Variants in ERMP1 observed in about 807,000 individuals in gnomAD.
The protein encoded by ERMP1 is endoplasmic reticulum metallopeptidase 1, also known as Felix-ina.
A neutral mutation model predicts 92.0 loss-of-function variants in ERMP1; 86 were observed. The observed-to-expected ratio is 0.93, with a 90% CI of 0.79 to 1.12. The LOEUF (loss-of-function observed/expected upper bound fraction) is 1.12, where lower values mean the gene tolerates loss of function less well. Ranked by LOEUF, ERMP1 falls within the 50% of genes most tolerant of loss-of-function variation. The pLI is 0.00. For missense variants in ERMP1, 1,342 were observed against 1,116.3 expected, an observed-to-expected ratio of 1.20 and a Z score of -2.88; for synonymous variants, 530 against 412.8, an observed-to-expected ratio of 1.28 and a Z score of -3.44.
Position 5,811,271 on chromosome 9 carries a change from A to G in ERMP1, c.1167T>C (p.Ala389=), listed in dbSNP as rs545026010. ...TTCCATGTCGATACTTAGAAGCAGCAGCCAGCATATCAGATGTAGCTAGAT... is the reference window on the plus strand; with the variant it reads ...TTCCATGTCGATACTTAGAAGCAGCGGCCAGCATATCAGATGTAGCTAGAT... ...LKHLATSDML[A]AASKYRHGNM... The change falls in exon 7 of 15, where the codon GCT becomes GCC. Residue 389 remains alanine (A), a synonymous_variant. Transcript: ENST00000339450. The G allele has an allele frequency of 1.9e-6, 3 of 1,614,090 alleles. No individual in the cohort carries two copies. Among genetic ancestry groups the G allele is most frequent in the South Asian group, 2.2e-5 (2 of 91,074 alleles).
chr9:5,811,375 C>A (rs758216501), intron 6 of ERMP1, 52 bp from the exon 7 acceptor site: 11 of 1,362,846 alleles, frequency 8.1e-6, no homozygotes, highest in Admixed American at 8.1e-5. Context: ...GATAAAAAGG[C>A]TGAATAAACT....
chr9:5,792,100 G>T (rs1828221746), intron 13 of ERMP1, among the ~76,000 whole-genome samples: 1 of 152,086 alleles, frequency 6.6e-6, no homozygotes, highest in South Asian at 2.1e-4. Context: ...AACAGTGTGT[G>T]TTGGGTGCAA....
chr9:5,864,131 G>C (rs1830581105), intron 5 of ERMP1, among the ~76,000 whole-genome samples: 1 of 152,194 alleles, frequency 6.6e-6, no homozygotes, highest in Non-Finnish European at 1.5e-5. Flanking sequence ...ATGTCAATTT[G>C]ACTGTTGGAA....
chr9:5,800,549 G>A (rs377456207), intron 11 of ERMP1, among the ~76,000 whole-genome samples: 25 of 152,172 alleles, frequency 1.6e-4, no homozygotes, highest in African/African-American at 6.0e-4. Flanking sequence ...GGTGGCGAGC[G>A]CCTGTAATAC....
chr9:5,860,564 T>C (rs904493489), intron 5 of ERMP1, among the ~76,000 whole-genome samples: 6 of 151,956 alleles, frequency 3.9e-5, no homozygotes, highest in African/African-American at 1.5e-4. Context: ...GTTCTCTCTC[T>C]AGTGGCCATG....
chr9:5,850,039 C>T (rs536246461), intron 6 of ERMP1, among the ~76,000 whole-genome samples: 9 of 152,240 alleles, frequency 5.9e-5, no homozygotes, highest in African/African-American at 2.2e-4. Flanking sequence ...AGGAAACAAA[C>T]CCAGAGTGTT....
chr9:5,847,646 G>A (rs1377085974), intron 6 of ERMP1, among the ~76,000 whole-genome samples: 6 of 151,876 alleles, frequency 4.0e-5, no homozygotes, highest in African/African-American at 7.3e-5. Context: ...CTGTAATCCC[G>A]GCACTTTGGG....
intron 4 of ERMP1, among the ~76,000 whole-genome samples, chr9:5,814,711 CAG>C (rs1025202244): frequency 9.9e-5 from 15 of 152,044 alleles, no homozygotes; most frequent in Admixed American, 2.0e-4. Context: ...GCCTGGGTGA[CAG>C]AGTGAGACTC....
At chr9:5,793,619 C>T (rs1261600500) in intron 13 of ERMP1, among the ~76,000 whole-genome samples, 1 of 152,006 alleles carries the variant, frequency 6.6e-6, no homozygotes, top group Non-Finnish European at 1.5e-5. Context: ...ACCATGCTAA[C>T]ACTAATCAAA....
intron 6 of ERMP1, among the ~76,000 whole-genome samples, chr9:5,838,905 G>C (rs1166923459): frequency 6.6e-6 from 1 of 152,134 alleles, no homozygotes; most frequent in African/African-American, 2.4e-5. Context: ...TTATCTCTGG[G>C]TGATTTTCCC....
upstream of ERMP1, among the ~76,000 whole-genome samples, chr9:5,834,830 A>C (rs1165331500): frequency 1.3e-5 from 2 of 150,136 alleles, no homozygotes. Flanking sequence ...GAGTTCCTGG[A>C]TCTGGTACCT....
intron 3 of ERMP1, among the ~76,000 whole-genome samples, chr9:5,824,760 G>A (rs957400382): frequency 6.6e-6 from 1 of 152,114 alleles, no homozygotes; most frequent in Non-Finnish European, 1.5e-5. Context: ...GATCCATATG[G>A]CTGGGCATTT....
chr9:5,804,290 A>G (rs186568391), intron 10 of ERMP1, among the ~76,000 whole-genome samples: 1 of 152,244 alleles, frequency 6.6e-6, no homozygotes, highest in Non-Finnish European at 1.5e-5. Context: ...GTGGAGGTGG[A>G]CATCAAACCA....
intron 6 of ERMP1, among the ~76,000 whole-genome samples, chr9:5,842,201 C>T (rs1830173831): frequency 6.6e-6 from 1 of 152,118 alleles, no homozygotes; most frequent in African/African-American, 2.4e-5. Context: ...TACTTGGCCC[C>T]GCCCACATCC....
intron 6 of ERMP1, chr9:5,855,878 C>T: frequency 5.1e-6 from 1 of 194,744 alleles, no homozygotes; most frequent in Non-Finnish European, 1.1e-5. Flanking sequence ...AATGGTGGAG[C>T]AAGCCTGGGC....
intron 5 of ERMP1, among the ~76,000 whole-genome samples, chr9:5,863,248 G>A (rs941503220): frequency 6.6e-6 from 1 of 152,180 alleles, no homozygotes; most frequent in Non-Finnish European, 1.5e-5. Context: ...CTTTGCAACA[G>A]AGTTTAAAGG....
chr9:5,813,915 T>C (rs896210276), intron 4 of ERMP1, among the ~76,000 whole-genome samples: 2 of 149,372 alleles, frequency 1.3e-5, no homozygotes, highest in African/African-American at 4.9e-5. Context: ...ATTATATGTA[T>C]AATTGTATAA....
chr9:5,795,915 C>G (rs1038964975), intron 13 of ERMP1, among the ~76,000 whole-genome samples: 1 of 152,160 alleles, frequency 6.6e-6, no homozygotes, highest in East Asian at 1.9e-4. Flanking sequence ...TAATCTGAAA[C>G]TCAGTTGCTT....
intron 5 of ERMP1, among the ~76,000 whole-genome samples, chr9:5,863,927 A>G (rs1830575242): frequency 2.0e-5 from 3 of 152,156 alleles, no homozygotes; most frequent in South Asian, 4.1e-4. Context: ...AGTAGTATAG[A>G]TCTACTGTAC....
Sources: gnomAD v4.1 joint callset for allele counts (sites outside exome capture counted in the v4.1 genomes callset) on GRCh38, gnomAD v4.1.1 for gene constraint, MANE v1.5 for transcripts, NCBI Gene and HGNC (gene_info 2026-07-23, HGNC 2026-07-21) for gene names.